Variants in JARID2 observed in about 807,000 individuals in gnomAD.
JARID2 encodes the protein protein Jumonji.
JARID2 carries 21 observed loss-of-function variants against 125.6 expected under a neutral mutation model. The ratio of observed to expected loss-of-function variants is 0.17; its 90% CI spans 0.12 to 0.24. The LOEUF (loss-of-function observed/expected upper bound fraction) is 0.24, where lower values mean the gene tolerates loss of function less well. JARID2 is among the 10% of genes least tolerant of loss of function. The pLI is 1.00. For missense variants in JARID2, 1,303 were observed against 1,639.6 expected (o/e 0.79, Z 3.55); for synonymous variants, 736 against 661.6 (o/e 1.11, Z -1.73).
intron 1 of JARID2, among the ~76,000 whole-genome samples, chr6:15,343,697 T>C (rs1397857294): frequency 2.0e-5 from 3 of 152,200 alleles, no homozygotes; most frequent in East Asian, 1.9e-4. Flanking sequence ...TCTTCAGTTA[T>C]CTTTGACAGA....
chr6:15,307,916 T>G (rs1387486961), intron 1 of JARID2, among the ~76,000 whole-genome samples: 2 of 152,230 alleles, frequency 1.3e-5, no homozygotes, highest in African/African-American at 4.8e-5. Context: ...AGCTTAAAAC[T>G]TAATGATTTT....
In JARID2 at chr6:15,520,778, C is replaced by T. The variant is rs371355022; in HGVS notation, c.*527C>T. 76 of 455,886 alleles carry T rather than the reference C, an allele frequency of 1.7e-4. No individual in the cohort carries two copies. Among genetic ancestry groups the T allele is most frequent in the African/African-American group, 6.8e-4 (34 of 50,148 alleles). 28.2% of individuals were successfully genotyped at this position (455,886 alleles called of 1,614,324 possible). Reference sequence around the variant, plus strand: ...CAGATGAGCTTGTGATCTGGGAAGCCGGGGCACCCCCGTTTTGTTTCTCTG... The same window carrying T: ...CAGATGAGCTTGTGATCTGGGAAGCTGGGGCACCCCCGTTTTGTTTCTCTG... On this transcript the variant is annotated 3_prime_UTR_variant, in exon 18 of 18. Coordinates refer to ENST00000341776, the MANE Select transcript of JARID2 (RefSeq NM_004973.4).
At chr6:15,352,683 A>T (rs1029722842) in intron 1 of JARID2, among the ~76,000 whole-genome samples, 22 of 152,226 alleles carry the variant, frequency 1.4e-4, no homozygotes. Flanking sequence ...TAGGGAGCAG[A>T]CAATGATGGT....
At chr6:15,377,635 A>G (rs1213177397) in intron 2 of JARID2, among the ~76,000 whole-genome samples, 1 of 151,954 alleles carries the variant, frequency 6.6e-6, no homozygotes, top group Non-Finnish European at 1.5e-5. Context: ...CTGGGCAACA[A>G]ATTGAGACCC....
chr6:15,301,902 A>G (rs982229649), intron 1 of JARID2, among the ~76,000 whole-genome samples: 4 of 152,146 alleles, frequency 2.6e-5, no homozygotes, highest in African/African-American at 9.7e-5. Flanking sequence ...TTTGACTAAT[A>G]TAGATGATCA....
chr6:15,382,399 G>C (rs968218062), intron 2 of JARID2, among the ~76,000 whole-genome samples: 24 of 152,332 alleles, frequency 1.6e-4, no homozygotes, highest in African/African-American at 5.5e-4. Flanking sequence ...GGTCTTGAAA[G>C]ATGCGAGAGA....
chr6:15,397,879 ACTAGAAGCG>A (rs1259343639), intron 2 of JARID2, among the ~76,000 whole-genome samples: 1 of 152,234 alleles, frequency 6.6e-6, no homozygotes, highest in Non-Finnish European at 1.5e-5. Flanking sequence ...ATAGCAATAA[ACTAGAAGCG>A]CCTTAGATGC....
At chr6:15,252,282 A>C (rs1759486323) in intron 1 of JARID2, among the ~76,000 whole-genome samples, 1 of 152,232 alleles carries the variant, frequency 6.6e-6, no homozygotes, top group Non-Finnish European at 1.5e-5. Flanking sequence ...TTTGTCTGTC[A>C]GTTAATACAA....
At chr6:15,508,902 G>A (rs908198990) in intron 12 of JARID2, 43 of 1,192,952 alleles carry the variant, frequency 3.6e-5, no homozygotes, top group South Asian at 1.0e-4. Context: ...AGTAGTGACC[G>A]TGTCATCAGC....
chr6:15,308,305 A>T (rs1167208714), intron 1 of JARID2, among the ~76,000 whole-genome samples: 2 of 152,284 alleles, frequency 1.3e-5, no homozygotes, highest in South Asian at 2.1e-4. Flanking sequence ...TTTGAAAGTG[A>T]TTCTGTGTGG....
At chr6:15,263,108 GTGTGTGTGT>G (rs1759949726) in intron 1 of JARID2, among the ~76,000 whole-genome samples, 1 of 148,948 alleles carries the variant, frequency 6.7e-6, no homozygotes, top group East Asian at 2.0e-4. Context: ...GTGTGTGTGT[GTGTGTGTGT>G]GGTAGGGGTC....
intron 3 of JARID2, among the ~76,000 whole-genome samples, chr6:15,440,186 C>A (rs1474008598): frequency 6.6e-6 from 1 of 152,254 alleles, no homozygotes; most frequent in Admixed American, 6.5e-5. Context: ...CACTGCTCAT[C>A]TGTTGTCCAC....
At chr6:15,500,002 C>T (rs146793667) in intron 7 of JARID2, among the ~76,000 whole-genome samples, 3,238 of 152,328 alleles carry the variant, frequency 0.021, 55 homozygotes, top group Middle Eastern at 0.085. Context: ...AATATATCCC[C>T]ACACTCTAAA....
rs189111512 is a variant in JARID2, at chr6:15,320,252, T to G, written c.46-53865T>G. On this transcript the variant is annotated intron_variant, in intron 1 of 17. Transcript: ENST00000341776. Reference sequence around the variant, plus strand: ...AATGTCCTCTACAATTCCAGTGACTTAGTATTCAGTTAAGACACAGGTAAG... The same window carrying G: ...AATGTCCTCTACAATTCCAGTGACTGAGTATTCAGTTAAGACACAGGTAAG... 2.0e-5 allele frequency among the ~76,000 whole-genome samples: 3 copies of G among 152,336 alleles called. No individual in the cohort carries two copies. The East Asian group carries it at 5.8e-4, about 29-fold the overall frequency.
intron 13 of JARID2, 48 bp from the exon 14 acceptor site, chr6:15,512,160 G>T: frequency 6.5e-7 from 1 of 1,534,578 alleles, no homozygotes; most frequent in Non-Finnish European, 9.0e-7. Context: ...GACTGCAGGT[G>T]TCCCTGCGCA....
At position 15,517,284 on chromosome 6, in the gene JARID2, C is replaced by G; in HGVS notation, c.3558+16C>G. 2 of 1,566,484 alleles carry G rather than the reference C, an allele frequency of 1.3e-6. No individual in the cohort carries two copies. The highest frequency in any genetic ancestry group is 1.8e-6 in the Non-Finnish European group (2 of 1,136,660). Reference sequence around the variant, plus strand: ...CTACGATGAGGTCAGTCCCTGCCCGCGGGGTAGGGCAGGGCGGCAGCGTGG... The same window carrying G: ...CTACGATGAGGTCAGTCCCTGCCCGGGGGGTAGGGCAGGGCGGCAGCGTGG... On this transcript the variant is annotated intron_variant, in intron 17 of 17. Transcript: ENST00000341776.
At chr6:15,445,685 T>C (rs917686796) in intron 3 of JARID2, among the ~76,000 whole-genome samples, 3 of 152,050 alleles carry the variant, frequency 2.0e-5, no homozygotes, top group Admixed American at 6.6e-5. Flanking sequence ...CTGGGAACAG[T>C]TGTGCTGTGT....
intron 2 of JARID2, among the ~76,000 whole-genome samples, chr6:15,392,680 CT>C (rs35429221): frequency 0.016 from 1,936 of 120,872 alleles, 21 homozygotes; most frequent in African/African-American, 0.034. Context: ...GATTAAGAGA[CT>C]TTTTTTTTTT....
intron 1 of JARID2, among the ~76,000 whole-genome samples, chr6:15,321,015 T>C (rs1389168105): frequency 6.6e-6 from 1 of 152,164 alleles, no homozygotes; most frequent in Admixed American, 6.6e-5. Context: ...CGGTGTATCA[T>C]ATGAATGATT....
Sources: gnomAD v4.1 joint callset for allele counts (sites outside exome capture counted in the v4.1 genomes callset) on GRCh38, gnomAD v4.1.1 for gene constraint, MANE v1.5 for transcripts, NCBI Gene and HGNC (gene_info 2026-07-23, HGNC 2026-07-21) for gene names.